The following COX7B variants were observed in gnomAD, a reference collection of about 807,000 sequenced individuals.
COX7B encodes the protein cytochrome c oxidase subunit 7B, mitochondrial.
A neutral mutation model predicts 7.9 loss-of-function variants in COX7B; 2 were observed. That is an observed-to-expected ratio of 0.25 (90% confidence interval 0.10 to 0.79). The LOEUF is 0.79. Among genes scored for constraint, COX7B ranks in the 30% least tolerant of loss-of-function variants. COX7B has a pLI of 0.69. For missense variants in COX7B, 54 were observed against 62.7 expected, an observed-to-expected ratio of 0.86 and a Z score of 0.47; for synonymous variants, 19 against 21.1, an observed-to-expected ratio of 0.90 and a Z score of 0.27.
intron 1 of COX7B, among the ~76,000 whole-genome samples, chrX:77,901,570 CTAA>C (rs782817011): frequency 2.7e-5 from 3 of 111,198 alleles, no homozygotes; most frequent in Non-Finnish European, 5.7e-5. Context: ...TGGTATAATA[CTAA>C]CAGCAAACTT....
rs2077115312 is a variant in COX7B at position 77,899,534 on chromosome X, G to A, written c.-20G>A. The A allele has an allele frequency of 1.7e-6, 2 of 1,211,260 alleles. No individual in the cohort carries two copies. Among genetic ancestry groups the A allele is most frequent in the Non-Finnish European group, 2.2e-6 (2 of 895,208 alleles). Reference sequence around the variant, plus strand: ...CCAAAGCAGCAGCTGTATTGCCGCAGTTCTAGCTTCACCTTCACGATGTTT... The same window carrying A: ...CCAAAGCAGCAGCTGTATTGCCGCAATTCTAGCTTCACCTTCACGATGTTT... On this transcript the variant is annotated 5_prime_UTR_variant, in exon 1 of 3. Transcript: ENST00000650309.
At chrX:77,901,458 A>G (rs1557220645) in intron 1 of COX7B, among the ~76,000 whole-genome samples, 1 of 109,408 alleles carries the variant, frequency 9.1e-6, no homozygotes, top group African/African-American at 3.3e-5. Flanking sequence ...AGAAAAAAAA[A>G]AACAGCTAGA....
chrX:77,905,052 G>A, intron 2 of COX7B, 132 bp from the exon 3 acceptor site: 1 of 521,144 alleles, frequency 1.9e-6, no homozygotes, highest in Non-Finnish European at 3.3e-6. Context: ...TATATGGAGG[G>A]TATTAGATCC....
chrX:77,906,165 T>C lies in COX7B; in HGVS notation c.*904T>C, dbSNP rs2077134655. ...TCAACTTTATAGTAAGCTGAAATTA[T>C]AAATAACTGATCATGGAACTATTGC... On this transcript the variant is annotated 3_prime_UTR_variant, in exon 3 of 3. Coordinates refer to ENST00000650309, the MANE Select transcript of COX7B (RefSeq NM_001866.3). 1 of 112,555 alleles carries C rather than the reference T, an allele frequency of 8.9e-6. No homozygotes were observed. The highest frequency in any genetic ancestry group is 3.6e-4 in the South Asian group (1 of 2,763). 9.3% of individuals were successfully genotyped at this position (112,555 alleles called of 1,213,427 possible). A position where few individuals can be genotyped will look rare whatever the true frequency, so the allele number is the denominator to read the frequency against.
Position 77,899,674 on chromosome X carries a change from C to T in COX7B, c.40+81C>T, listed in dbSNP as rs1282977671. ...CGGCCTCTCGTGTGCTTTCCTTTTA[C>T]GAACATCTCGGCCTTCTAATCTTGA... On this transcript the variant is annotated intron_variant, in intron 1 of 2. Transcript: ENST00000650309. 3 of 942,378 alleles carry T rather than the reference C, an allele frequency of 3.2e-6. No individual in the cohort carries two copies. In the African/African-American group the frequency reaches 5.8e-5, roughly 18 times the overall value. 77.7% of individuals were successfully genotyped at this position (942,378 alleles called of 1,213,427 possible).
At chrX:77,899,716 A>G in intron 1 of COX7B, 123 bp downstream of exon 1, 3 of 652,983 alleles carry the variant, frequency 4.6e-6, no homozygotes, top group Middle Eastern at 3.0e-4. Context: ...TCTGTCTCCC[A>G]TCTCGTCCCA....
In COX7B at chrX:77,899,560, C is replaced by G. The variant is rs370681452; in HGVS notation, c.7C>G (p.Pro3Ala). ...TTCTAGCTTCACCTTCACGATGTTT[C>G]CCTTGGTCAAAAGCGCACTAAATCG... is the stretch of plus-strand genomic sequence containing the variant. MF[P>A]LVKSALNRLQ... The change falls in exon 1 of 3, where the codon CCC becomes GCC. Residue 3 changes from proline (P) to alanine (A), a missense_variant. Pro to Ala is a conservative substitution (Grantham distance 27, BLOSUM62 -1). Coordinates refer to ENST00000650309, the MANE Select transcript of COX7B (RefSeq NM_001866.3). 26 of 1,209,216 alleles carry G rather than the reference C, an allele frequency of 2.2e-5. No individual in the cohort carries two copies. In the African/African-American group the frequency reaches 4.2e-4, roughly 20 times the overall value.
At chrX:77,903,849 T>G (rs1238479666) in intron 2 of COX7B, among the ~76,000 whole-genome samples, 1 of 111,084 alleles carries the variant, frequency 9.0e-6, no homozygotes, top group Non-Finnish European at 1.9e-5. Flanking sequence ...CATCTTACAT[T>G]TAACAATCTA....
chrX:77,907,312 A>G lies in COX7B; in HGVS notation c.*2051A>G, dbSNP rs2077138005. 1 of 111,970 alleles carries G rather than the reference A, an allele frequency of 8.9e-6. No individual in the cohort carries two copies. The highest frequency in any genetic ancestry group is 1.9e-5 in the Non-Finnish European group (1 of 53,226). 9.2% of individuals were successfully genotyped at this position (111,970 alleles called of 1,213,427 possible). A position where few individuals can be genotyped will look rare whatever the true frequency, so the allele number is the denominator to read the frequency against. The stretch of plus-strand genomic sequence containing the variant: ...GTACTGAAGTATTCAAATACATACA[A>G]CCCTGAGCGATATTGAAGTAAAATA... On this transcript the variant is annotated 3_prime_UTR_variant, in exon 3 of 3. Coordinates refer to ENST00000650309, the MANE Select transcript of COX7B (RefSeq NM_001866.3).
chrX:77,906,922 C>T lies in COX7B; in HGVS notation c.*1661C>T, dbSNP rs1482080965. The T allele has an allele frequency of 9.0e-6, 1 of 111,429 alleles. No individual in the cohort carries two copies. Among genetic ancestry groups the T allele is most frequent in the Non-Finnish European group, 1.9e-5 (1 of 53,153 alleles). 9.2% of individuals were successfully genotyped at this position (111,429 alleles called of 1,213,427 possible). A position where few individuals can be genotyped will look rare whatever the true frequency, so the allele number is the denominator to read the frequency against. ...GGCTTACAGGCATGAGACACCGCGC[C>T]CGGCTTATATATCATTACTTTCTTG... On this transcript the variant is annotated 3_prime_UTR_variant, in exon 3 of 3. Coordinates refer to ENST00000650309, the MANE Select transcript of COX7B (RefSeq NM_001866.3).
intron 2 of COX7B, among the ~76,000 whole-genome samples, chrX:77,903,524 A>C (rs1424357749): frequency 3.6e-5 from 4 of 110,851 alleles, no homozygotes; most frequent in Non-Finnish European, 5.7e-5. Flanking sequence ...TCATATGGTG[A>C]GTTAAAATCT....
chrX:77,902,988 G>T, intron 2 of COX7B: 1 of 294,737 alleles, frequency 3.4e-6, no homozygotes, highest in Non-Finnish European at 5.9e-6. Context: ...GGATCACAAG[G>T]CAGCCCTTTC....
In COX7B at chrX:77,905,199, G is replaced by A; in HGVS notation, c.181G>A (p.Gly61Arg). ...VTWTYVATQV[G>R]IEWNLSPVGR... ...ATTCTTACAGGTAGCAACACAAGTC[G>A]GAATAGAATGGAACCTGTCCCCTGT... is the stretch of plus-strand genomic sequence containing the variant. The change falls in exon 3 of 3, where the codon GGA (glycine) becomes AGA (arginine). Residue 61 changes from glycine to arginine, a missense_variant. Physicochemically the swap from Gly to Arg is moderately radical, Grantham distance 125. Transcript: ENST00000650309. 3.3e-6 allele frequency: 4 copies of A among 1,208,392 alleles called. No homozygotes were observed. The highest frequency in any genetic ancestry group is 3.4e-6 in the Non-Finnish European group (3 of 893,157).
rs1460411652 is a variant in COX7B, at chrX:77,905,347, T to C, written c.*86T>C. The C allele has an allele frequency of 1.5e-6, 1 of 683,302 alleles. No individual in the cohort carries two copies. The highest frequency in any genetic ancestry group is 3.3e-5 in the East Asian group (1 of 30,745). 56.3% of individuals were successfully genotyped at this position (683,302 alleles called of 1,213,427 possible). Reference sequence around the variant, plus strand: ...AAAGCACTGTGTACCCATTAAGATATGGCATTATTGAAGAAATAAAGTACA... The same window carrying C: ...AAAGCACTGTGTACCCATTAAGATACGGCATTATTGAAGAAATAAAGTACA... On this transcript the variant is annotated 3_prime_UTR_variant, in exon 3 of 3. Transcript: ENST00000650309.
rs1211981809 is a variant in COX7B at position 77,906,007 on chromosome X, A to G, written c.*746A>G. The stretch of plus-strand genomic sequence containing the variant: ...ACCATATTGGTCAGGCTGGTTTCAA[A>G]CTCACGACCTCAGGTGATCCGCCTG... On this transcript the variant is annotated 3_prime_UTR_variant, in exon 3 of 3. Transcript: ENST00000650309. The G allele has an allele frequency of 9.0e-6, 1 of 111,669 alleles. No homozygotes were observed. The highest frequency in any genetic ancestry group is 1.9e-5 in the Non-Finnish European group (1 of 53,183). The allele number at this position is 111,669 out of a possible 1,213,427, so 9.2% of individuals were successfully genotyped here.
chrX:77,906,253 C>T lies in COX7B; in HGVS notation c.*992C>T, dbSNP rs1236052187. Reference sequence around the variant, plus strand: ...GTTATGCCTACTACTATGTGCCTCTCATTTGTATTTATACCTGGAATTGGC... The same window carrying T: ...GTTATGCCTACTACTATGTGCCTCTTATTTGTATTTATACCTGGAATTGGC... On this transcript the variant is annotated 3_prime_UTR_variant, in exon 3 of 3. Transcript: ENST00000650309. 4.5e-5 allele frequency: 5 copies of T among 112,116 alleles called. No homozygotes were observed. The highest frequency in any genetic ancestry group is 1.6e-4 in the African/African-American group (5 of 30,876). 9.2% of individuals were successfully genotyped at this position (112,116 alleles called of 1,213,427 possible).
chrX:77,903,033 T>G (rs2077125028), intron 2 of COX7B: 2 of 211,369 alleles, frequency 9.5e-6, no homozygotes, highest in South Asian at 1.7e-4. Context: ...TTTTTGTTTT[T>G]TTTTTTTTTT....
At chrX:77,899,617 A>G in intron 1 of COX7B, 24 bp downstream of exon 1, 1 of 1,199,265 alleles carries the variant, frequency 8.3e-7, no homozygotes, top group Non-Finnish European at 1.1e-6. Context: ...ATGACAAATC[A>G]TTTACAACAA....
At position 77,905,465 on chromosome X, in the gene COX7B, G is replaced by T; in HGVS notation, c.*204G>T. 1 of 230,697 alleles carries T rather than the reference G, an allele frequency of 4.3e-6. No individual in the cohort carries two copies. The highest frequency in any genetic ancestry group is 7.7e-6 in the Non-Finnish European group (1 of 130,644). 19.0% of individuals were successfully genotyped at this position (230,697 alleles called of 1,213,427 possible). On this transcript the variant is annotated 3_prime_UTR_variant, in exon 3 of 3. Transcript: ENST00000650309. The stretch of plus-strand genomic sequence containing the variant: ...TGTTAATATTAAAGTCAAATGCTGT[G>T]CAGCTTCTTAAATAGGTTTTTTTTT...
Sources: allele counts gnomAD v4.1 joint callset (sites outside exome capture counted in the v4.1 genomes callset), GRCh38; gene constraint gnomAD v4.1.1; transcripts MANE v1.5; gene names NCBI Gene and HGNC (gene_info 2026-07-23, HGNC 2026-07-21).